Variants in RBMS1 observed in about 807,000 individuals in gnomAD.
RBMS1 encodes RNA-binding motif, single-stranded-interacting protein 1.
In RBMS1, 17 loss-of-function variants were observed where a neutral mutation model predicts 62.3. The ratio of observed to expected loss-of-function variants is 0.27; its 90% CI spans 0.19 to 0.41. The LOEUF is 0.41. RBMS1 is among the 10% of genes least tolerant of loss of function. The probability of loss-of-function intolerance (pLI) is 1.00; values close to 1 mark genes in which losing one functional copy is unlikely to be tolerated. For synonymous variants in RBMS1, 172 were observed against 170.0 expected (o/e 1.01, Z -0.09); for missense variants, 334 against 504.5 (o/e 0.66, Z 3.24).
At chr2:160,368,326 G>A (rs77300492) in intron 1 of RBMS1, among the ~76,000 whole-genome samples, 14,798 of 152,166 alleles carry the variant, frequency 0.097, 992 homozygotes, top group East Asian at 0.26. Context: ...TAAATATACT[G>A]TACTAACTCA....
intron 2 of RBMS1, among the ~76,000 whole-genome samples, chr2:160,348,592 G>A (rs1209034554): frequency 2.6e-5 from 4 of 152,140 alleles, no homozygotes; most frequent in East Asian, 1.9e-4. Flanking sequence ...TGAGCCTGAA[G>A]AGCTTGTCTA....
intron 1 of RBMS1, among the ~76,000 whole-genome samples, chr2:160,450,556 T>TAGAAAAAAAAAAAAAAAAA (rs1349442120): frequency 1.0e-4 from 1 of 9,558 alleles, no homozygotes; most frequent in African/African-American, 2.6e-4. Flanking sequence ...AAATAAAAAA[T>TAGAAAAAAAAAAAAAAAAA]AAAAAATGAA....
chr2:160,405,650 GT>G (rs1695661878), intron 1 of RBMS1, among the ~76,000 whole-genome samples: 1 of 152,118 alleles, frequency 6.6e-6, no homozygotes, highest in East Asian at 1.9e-4. Flanking sequence ...AAGTCTGTTT[GT>G]TTTTCTGATT....
At chr2:160,444,790 A>C (rs1683569656) in intron 1 of RBMS1, among the ~76,000 whole-genome samples, 1 of 152,194 alleles carries the variant, frequency 6.6e-6, no homozygotes, top group African/African-American at 2.4e-5. Context: ...AGAGAGAGGA[A>C]GAGATCCCCC....
At chr2:160,362,855 T>C (rs1693204639) in intron 2 of RBMS1, among the ~76,000 whole-genome samples, 1 of 152,042 alleles carries the variant, frequency 6.6e-6, no homozygotes, top group Non-Finnish European at 1.5e-5. Context: ...AAAAAAAGCC[T>C]CAAGGAAGAG....
chr2:160,376,953 C>A (rs988864988), intron 1 of RBMS1, among the ~76,000 whole-genome samples: 3 of 152,148 alleles, frequency 2.0e-5, no homozygotes, highest in African/African-American at 7.2e-5. Context: ...CAGGCATGAG[C>A]CACTGGGCCT....
chr2:160,350,861 A>G (rs911092851), intron 2 of RBMS1, among the ~76,000 whole-genome samples: 4 of 152,170 alleles, frequency 2.6e-5, no homozygotes, highest in Admixed American at 6.5e-5. Context: ...TCCTTTGGGT[A>G]TATACCCAGT....
In RBMS1 at chr2:160,448,969, G is replaced by A. The variant is rs1026413888; in HGVS notation, c.75+44320C>T. ...CCATCCCGTCTGGGAACTGAGGAGT[G>A]TCTCTGCCCGACCGCCACCCTGTCT... is the stretch of plus-strand genomic sequence containing the variant. On this transcript the variant is annotated intron_variant, in intron 1 of 13. Transcript: ENST00000348849. Among the ~76,000 whole-genome samples the A allele has an allele frequency of 2.0e-5, 3 of 151,086 alleles. No homozygotes were observed. The East Asian group carries it at 5.9e-4, about 30-fold the overall frequency.
chr2:160,335,547 G>C (rs1275630805), intron 2 of RBMS1, among the ~76,000 whole-genome samples: 1 of 152,160 alleles, frequency 6.6e-6, no homozygotes, highest in Admixed American at 6.5e-5. Context: ...TGAAAAGAAG[G>C]AAAGCTAAAG....
chr2:160,406,276 T>G (rs1285653736), intron 1 of RBMS1, among the ~76,000 whole-genome samples: 2 of 152,146 alleles, frequency 1.3e-5, no homozygotes, highest in Non-Finnish European at 2.9e-5. Flanking sequence ...GCCAAAATAC[T>G]TGCAAATACA....
In RBMS1 at chr2:160,373,112, C is replaced by T. The variant is rs115696796; in HGVS notation, c.76-5721G>A. On this transcript the variant is annotated intron_variant, in intron 1 of 13. Coordinates refer to ENST00000348849, the MANE Select transcript of RBMS1 (RefSeq NM_016836.4). ...CAGCTTCTCAAGACTGTGAAACTGACCAATAGAGTATTAAATTTTTTTTTT... is the reference window on the plus strand; with the variant it reads ...CAGCTTCTCAAGACTGTGAAACTGATCAATAGAGTATTAAATTTTTTTTTT... Among the ~76,000 whole-genome samples the T allele has an allele frequency of 7.5e-3, 1,141 of 152,196 alleles. 16 individuals carry two copies. Among genetic ancestry groups the T allele is most frequent in the African/African-American group, 0.025 (1,033 of 41,504 alleles).
At chr2:160,320,145 A>C (rs1690474422) in intron 2 of RBMS1, among the ~76,000 whole-genome samples, 1 of 152,238 alleles carries the variant, frequency 6.6e-6, no homozygotes, top group Non-Finnish European at 1.5e-5. Context: ...TATCGTTTGA[A>C]TATTTCACCC....
chr2:160,383,051 T>G (rs1694358798), intron 1 of RBMS1, among the ~76,000 whole-genome samples: 1 of 151,766 alleles, frequency 6.6e-6, no homozygotes, highest in Non-Finnish European at 1.5e-5. Context: ...ATGGAGAGAG[T>G]GGAAAGTGGC....
chr2:160,352,676 G>T (rs1573915516), intron 2 of RBMS1, among the ~76,000 whole-genome samples: 1 of 152,102 alleles, frequency 6.6e-6, no homozygotes, highest in Admixed American at 6.6e-5. Context: ...GTCTGCACAT[G>T]TCCGTTCATA....
At chr2:160,488,826 T>C (rs1685705551) in intron 1 of RBMS1, among the ~76,000 whole-genome samples, 1 of 152,204 alleles carries the variant, frequency 6.6e-6, no homozygotes, top group South Asian at 2.1e-4. Context: ...ATTTCTATAA[T>C]ATTCCAATAA....
At chr2:160,354,164 G>A (rs867188360) in intron 2 of RBMS1, among the ~76,000 whole-genome samples, 4 of 152,200 alleles carry the variant, frequency 2.6e-5, no homozygotes, top group African/African-American at 9.6e-5. Flanking sequence ...ACAGCCACTT[G>A]ACTAGAAGAG....
intron 2 of RBMS1, chr2:160,367,001 C>A: frequency 2.6e-6 from 1 of 379,760 alleles, no homozygotes; most frequent in Non-Finnish European, 4.6e-6. Flanking sequence ...TGAGAAAATG[C>A]TCCAATTCAT....
At chr2:160,313,350 G>GAA (rs1158566778) in intron 3 of RBMS1, 103 bp from the exon 4 acceptor site, 9 of 1,120,412 alleles carry the variant, frequency 8.0e-6, no homozygotes, top group African/African-American at 1.6e-5. Flanking sequence ...CAAGAGACAT[G>GAA]AAAATGTCCT....
intron 1 of RBMS1, among the ~76,000 whole-genome samples, chr2:160,439,968 T>C (rs911112918): frequency 5.3e-5 from 8 of 151,086 alleles, no homozygotes; most frequent in African/African-American, 1.9e-4. Context: ...GGCAGGAGAA[T>C]CAGGCAGGGA....
Sources: allele counts gnomAD v4.1 joint callset (sites outside exome capture counted in the v4.1 genomes callset), GRCh38; gene constraint gnomAD v4.1.1; transcripts MANE v1.5; gene names NCBI Gene and HGNC (gene_info 2026-07-23, HGNC 2026-07-21).